The following ZFHX3 variants were observed in gnomAD, a reference collection of about 807,000 sequenced individuals.
ZFHX3 encodes zinc finger homeobox protein 3.
Under a neutral mutation model 279.1 loss-of-function variants are expected in ZFHX3, and 42 were observed. That is an observed-to-expected ratio of 0.15 (90% CI 0.12 to 0.19). The LOEUF (loss-of-function observed/expected upper bound fraction) is 0.19. Ranked by LOEUF, ZFHX3 falls within the 10% of genes least tolerant of loss-of-function variation. The pLI is 1.00. For missense variants in ZFHX3, 4,981 were observed against 4,754.0 expected (o/e 1.05, Z -1.40); for synonymous variants, 2,293 against 1,957.8 (o/e 1.17, Z -4.52).
At chr16:73,419,292 A>T (rs1357905867) in intron 3 of ZFHX3, among the ~76,000 whole-genome samples, 1 of 152,216 alleles carries the variant, frequency 6.6e-6, no homozygotes, top group Non-Finnish European at 1.5e-5. Flanking sequence ...TTATTTATTG[A>T]TATGGACATG....
intron 4 of ZFHX3, among the ~76,000 whole-genome samples, chr16:72,837,567 C>A (rs949594243): frequency 1.3e-5 from 2 of 148,250 alleles, no homozygotes; most frequent in Admixed American, 7.0e-5. Flanking sequence ...TAGCCTCAAA[C>A]TCCTGGGCTC....
chr16:73,364,604 C>A (rs8059852), intron 3 of ZFHX3, among the ~76,000 whole-genome samples: 47,360 of 151,926 alleles, frequency 0.31, 8,007 homozygotes, highest in African/African-American at 0.45. Flanking sequence ...GGCCGGGGAA[C>A]CCAGGCACAG....
intron 2 of ZFHX3, among the ~76,000 whole-genome samples, chr16:73,648,659 G>A (rs1179055134): frequency 2.6e-5 from 4 of 152,062 alleles, no homozygotes; most frequent in East Asian, 1.9e-4. Flanking sequence ...TGATACACCC[G>A]CCTTGGCCTC....
chr16:73,165,632 C>T (rs1967346033), intron 5 of ZFHX3, among the ~76,000 whole-genome samples: 1 of 152,224 alleles, frequency 6.6e-6, no homozygotes, highest in Non-Finnish European at 1.5e-5. Flanking sequence ...GGACTAGACT[C>T]AGAAAATGGC....
At chr16:73,372,797 T>C (rs1032097181) in intron 3 of ZFHX3, among the ~76,000 whole-genome samples, 2 of 152,156 alleles carry the variant, frequency 1.3e-5, no homozygotes, top group Admixed American at 6.5e-5. Context: ...ATTTCTTTAG[T>C]AGGACCGACA....
At chr16:73,295,940 G>T (rs2014898055) in intron 4 of ZFHX3, among the ~76,000 whole-genome samples, 1 of 152,216 alleles carries the variant, frequency 6.6e-6, no homozygotes, top group South Asian at 2.1e-4. Context: ...TCTTGCCCCA[G>T]TTCCAATGGC....
At chr16:73,143,731 A>G (rs574497660) in intron 6 of ZFHX3, 17 of 1,304,056 alleles carry the variant, frequency 1.3e-5, no homozygotes, top group Non-Finnish European at 1.6e-5. Flanking sequence ...TTCATTGAGA[A>G]ACAAGAAAGC....
intron 2 of ZFHX3, among the ~76,000 whole-genome samples, chr16:73,630,776 C>T (rs1350297561): frequency 6.6e-6 from 1 of 152,154 alleles, no homozygotes; most frequent in East Asian, 1.9e-4. Context: ...TGGTGGTGCT[C>T]AACTTGTAAT....
At chr16:72,983,923 C>G (rs1177485327) in intron 1 of ZFHX3, among the ~76,000 whole-genome samples, 1 of 152,162 alleles carries the variant, frequency 6.6e-6, no homozygotes, top group African/African-American at 2.4e-5. Context: ...CCATTACCCC[C>G]CGGCCCCACC....
At chr16:73,433,098 G>A (rs892503842) in intron 3 of ZFHX3, among the ~76,000 whole-genome samples, 1 of 152,224 alleles carries the variant, frequency 6.6e-6, no homozygotes, top group African/African-American at 2.4e-5. Context: ...GGGGATGGAA[G>A]GGACAGGCAG....
At chr16:73,846,308 A>AAAAGGC in intron 1 of ZFHX3, among the ~76,000 whole-genome samples, 1 of 152,318 alleles carries the variant, frequency 6.6e-6, no homozygotes, top group East Asian at 1.9e-4. Context: ...GGCTTAAAAA[A>AAAAGGC]TAGGAGCGTC....
chr16:73,598,980 C>T (rs1255639094), intron 2 of ZFHX3, among the ~76,000 whole-genome samples: 4 of 152,074 alleles, frequency 2.6e-5, no homozygotes, highest in Non-Finnish European at 5.9e-5. Context: ...CCAGGCTGGT[C>T]TTGAACTCCT....
chr16:72,997,135 C>A (rs113132011), intron 1 of ZFHX3, among the ~76,000 whole-genome samples: 4 of 152,330 alleles, frequency 2.6e-5, no homozygotes, highest in African/African-American at 9.6e-5. Context: ...GGGCACACTG[C>A]ACAAGTGTTC....
chr16:73,645,650 C>T (rs1378018617), intron 2 of ZFHX3, among the ~76,000 whole-genome samples: 1 of 152,026 alleles, frequency 6.6e-6, no homozygotes. Context: ...TATAAAAATA[C>T]GTAGCATGGA....
intron 3 of ZFHX3, among the ~76,000 whole-genome samples, chr16:73,437,183 G>A (rs930792729): frequency 7.9e-5 from 12 of 152,158 alleles, no homozygotes; most frequent in East Asian, 3.9e-4. Flanking sequence ...GGCAAAAACC[G>A]CAATTGCTTT....
chr16:73,639,905 A>T (rs140819087), intron 2 of ZFHX3, among the ~76,000 whole-genome samples: 2 of 152,336 alleles, frequency 1.3e-5, no homozygotes, highest in African/African-American at 4.8e-5. Context: ...GAGCACAGGA[A>T]ACTGAAATAA....
chr16:73,160,816 C>A (rs1461368253), intron 5 of ZFHX3, among the ~76,000 whole-genome samples: 3 of 147,714 alleles, frequency 2.0e-5, no homozygotes, highest in African/African-American at 7.5e-5. Context: ...AGATAATTAC[C>A]GTTTCCTTTA....
chr16:73,874,993 G>A (rs763198899), intron 1 of ZFHX3, among the ~76,000 whole-genome samples: 44 of 152,244 alleles, frequency 2.9e-4, no homozygotes, highest in Admixed American at 7.9e-4. Context: ...ATTGAAGAAC[G>A]GTGAAGTCTC....
At position 73,781,044 on chromosome 16, in the gene ZFHX3, A is replaced by C. The variant is rs559325781; in HGVS notation, c.-1607-100804T>G. Among the ~76,000 whole-genome samples the C allele has an allele frequency of 8.5e-5, 13 of 152,344 alleles. No homozygotes were observed. In the South Asian group the frequency reaches 2.7e-3, roughly 32 times the overall value. ...TATATTAAAAGCTTTAGCAGTGATT[A>C]TGATGAACAAAAGAGAAAGGGACCA... is the stretch of plus-strand genomic sequence containing the variant. On this transcript the variant is annotated intron_variant, in intron 1 of 17. Transcript: ENST00000641206.
Sources: allele counts gnomAD v4.1 joint callset (sites outside exome capture counted in the v4.1 genomes callset), GRCh38; gene constraint gnomAD v4.1.1; transcripts MANE v1.5; gene names NCBI Gene and HGNC (gene_info 2026-07-23, HGNC 2026-07-21).